FHIP1A: variants seen among roughly 807,000 people sequenced by gnomAD.
The protein encoded by FHIP1A is FHF complex subunit HOOK interacting protein 1A.
A neutral mutation model predicts 88.6 loss-of-function variants in FHIP1A; 61 were observed. That is an observed-to-expected ratio of 0.69 (90% confidence interval 0.56 to 0.85). The LOEUF (loss-of-function observed/expected upper bound fraction) is 0.85. Among genes scored for constraint, FHIP1A ranks in the 40% least tolerant of loss-of-function variants. The pLI is 0.00. For missense variants in FHIP1A, 1,154 were observed against 1,273.5 expected (o/e 0.91, Z 1.43); for synonymous variants, 478 against 496.0 (o/e 0.96, Z 0.48).
At chr4:151,555,398 A>G (rs1309861502) in intron 3 of FHIP1A, among the ~76,000 whole-genome samples, 1 of 151,912 alleles carries the variant, frequency 6.6e-6, no homozygotes, top group East Asian at 1.9e-4. Context: ...GTAAGAATCC[A>G]TTTTTGTTTC....
chr4:151,560,977 T>C (rs993299448), intron 3 of FHIP1A, among the ~76,000 whole-genome samples: 22 of 152,190 alleles, frequency 1.4e-4, no homozygotes, highest in African/African-American at 5.3e-4. Context: ...TTGAATATTT[T>C]AATTTTTCTT....
intron 3 of FHIP1A, among the ~76,000 whole-genome samples, chr4:151,552,734 T>C (rs1468186955): frequency 6.6e-6 from 1 of 151,448 alleles, no homozygotes; most frequent in Non-Finnish European, 1.5e-5. Context: ...AAATGACGAA[T>C]TAATGGGTGC....
chr4:151,465,003 T>G (rs1165819848), intron 2 of FHIP1A, among the ~76,000 whole-genome samples: 2 of 152,066 alleles, frequency 1.3e-5, no homozygotes, highest in African/African-American at 4.8e-5. Flanking sequence ...GGCCAGGAAT[T>G]TGAGACCACT....
chr4:151,543,484 A>G (rs2126731222), intron 3 of FHIP1A, among the ~76,000 whole-genome samples: 1 of 152,306 alleles, frequency 6.6e-6, no homozygotes, highest in Non-Finnish European at 1.5e-5. Context: ...TGAATGCTAT[A>G]ATAGAGAATT....
intron 7 of FHIP1A, among the ~76,000 whole-genome samples, chr4:151,593,059 G>C (rs1443921100): frequency 6.6e-6 from 1 of 152,168 alleles, no homozygotes. Flanking sequence ...GTTTGTCGAA[G>C]ATTAGGTGGT....
intron 2 of FHIP1A, among the ~76,000 whole-genome samples, chr4:151,459,168 AT>A (rs201434725): frequency 4.0e-5 from 6 of 151,762 alleles, no homozygotes; most frequent in Non-Finnish European, 5.9e-5. Flanking sequence ...CCTAAAGAGA[AT>A]TTTTTTTTAA....
intron 3 of FHIP1A, among the ~76,000 whole-genome samples, chr4:151,497,972 G>A (rs1730521872): frequency 6.6e-6 from 1 of 152,120 alleles, no homozygotes; most frequent in African/African-American, 2.4e-5. Context: ...ACTCTGGCCT[G>A]CTTTCAGCAA....
In FHIP1A at chr4:151,476,251, C is replaced by G. The variant is rs1385636057; in HGVS notation, c.-247-6273C>G. Among the ~76,000 whole-genome samples the G allele has an allele frequency of 3.3e-5, 5 of 150,446 alleles. No individual in the cohort carries two copies. In the East Asian group the frequency reaches 9.8e-4, roughly 30 times the overall value. ...CAAACTCCTGGGCTCAAGCAATGCT[C>G]CCACCTCAGCCTCCTGAGTAGCTGG... is the stretch of plus-strand genomic sequence containing the variant. On this transcript the variant is annotated intron_variant, in intron 2 of 13. Transcript: ENST00000435205.
rs146369126 is a variant in FHIP1A, at chr4:151,599,901, AC to A, written c.978+10979del. Among the ~76,000 whole-genome samples the A allele has an allele frequency of 5.3e-3, 808 of 152,246 alleles. 6 individuals are homozygous for A. Among genetic ancestry groups the A allele is most frequent in the African/African-American group, 0.019 (786 of 41,552 alleles). On this transcript the variant is annotated intron_variant, in intron 7 of 13. Transcript: ENST00000435205. ...ACAGAATATTCAGGAGTTCAAATGG[AC>A]CCCTAATGCATGGGGGCATTTCGGT...
intron 9 of FHIP1A, among the ~76,000 whole-genome samples, chr4:151,641,936 G>T (rs1463646425): frequency 6.6e-6 from 1 of 152,110 alleles, no homozygotes; most frequent in Admixed American, 6.6e-5. Context: ...TTTAATGAAG[G>T]TATTTGTTAT....
At chr4:151,652,770 A>T (rs1253209775) in intron 11 of FHIP1A, among the ~76,000 whole-genome samples, 3 of 152,210 alleles carry the variant, frequency 2.0e-5, no homozygotes, top group African/African-American at 7.2e-5. Flanking sequence ...AGGAGACACC[A>T]GGAGGAGACT....
chr4:151,617,352 G>C (rs1010319783), intron 7 of FHIP1A, among the ~76,000 whole-genome samples: 3 of 151,746 alleles, frequency 2.0e-5, no homozygotes, highest in Non-Finnish European at 4.4e-5. Flanking sequence ...ATGTCACTCC[G>C]ATCACTAAGA....
intron 2 of FHIP1A, among the ~76,000 whole-genome samples, chr4:151,472,991 C>T (rs553538312): frequency 6.6e-6 from 1 of 152,132 alleles, no homozygotes; most frequent in Non-Finnish European, 1.5e-5. Flanking sequence ...TTGTACATTT[C>T]ACCTTTCTCC....
At chr4:151,517,724 T>C (rs1483926277) in intron 3 of FHIP1A, among the ~76,000 whole-genome samples, 4 of 152,098 alleles carry the variant, frequency 2.6e-5, no homozygotes, top group Non-Finnish European at 4.4e-5. Flanking sequence ...GTTCTGATGA[T>C]TCTGACCATG....
intron 1 of FHIP1A, among the ~76,000 whole-genome samples, chr4:151,446,399 T>G (rs1206151056): frequency 6.6e-6 from 1 of 152,050 alleles, no homozygotes; most frequent in Non-Finnish European, 1.5e-5. Context: ...GCCTTATATA[T>G]TCTGGATATA....
In FHIP1A at chr4:151,667,119, G is replaced by A. The variant is rs1737693582; in HGVS notation, c.*4365G>A. 6.6e-6 allele frequency: 1 copy of A among 152,234 alleles called. No homozygotes were observed. Among genetic ancestry groups the A allele is most frequent in the South Asian group, 2.1e-4 (1 of 4,828 alleles). 9.4% of individuals were successfully genotyped at this position (152,234 alleles called of 1,614,324 possible). A position where few individuals can be genotyped will look rare whatever the true frequency, so the allele number is the denominator to read the frequency against. ...CTTCAAGTCACTGGCTCAGGCTGGTGTCATGTGTGGTTTGCTGCAAACGGC... is the reference window on the plus strand; with the variant it reads ...CTTCAAGTCACTGGCTCAGGCTGGTATCATGTGTGGTTTGCTGCAAACGGC... On this transcript the variant is annotated 3_prime_UTR_variant, in exon 14 of 14. Transcript: ENST00000435205.
chr4:151,425,814 C>T (rs574714609), intron 1 of FHIP1A, among the ~76,000 whole-genome samples: 2 of 152,246 alleles, frequency 1.3e-5, no homozygotes, highest in Non-Finnish European at 2.9e-5. Context: ...GCATCATTCT[C>T]CTCTACATGT....
chr4:151,628,499 C>T (rs913913573), intron 7 of FHIP1A, among the ~76,000 whole-genome samples: 22 of 151,648 alleles, frequency 1.5e-4, no homozygotes, highest in African/African-American at 4.8e-4. Context: ...TTTTAAAAGC[C>T]GAAAATTAAA....
chr4:151,600,382 G>A (rs1734817723), intron 7 of FHIP1A, among the ~76,000 whole-genome samples: 1 of 152,194 alleles, frequency 6.6e-6, no homozygotes. Flanking sequence ...AAGCAGAGAA[G>A]TCTAGAATAT....
Sources: allele counts gnomAD v4.1 joint callset (sites outside exome capture counted in the v4.1 genomes callset), GRCh38; gene constraint gnomAD v4.1.1; transcripts MANE v1.5; gene names NCBI Gene and HGNC (gene_info 2026-07-23, HGNC 2026-07-21).